Variants in EFHD1 observed in about 807,000 individuals in gnomAD.
EFHD1 encodes the protein EF-hand domain family member D1.
Under a neutral mutation model 17.2 loss-of-function variants are expected in EFHD1, and 10 were observed. That is an observed-to-expected ratio of 0.58 (90% CI 0.36 to 0.99). The LOEUF is 0.99. Among genes scored for constraint, EFHD1 ranks in the 50% least tolerant of loss-of-function variants. The pLI, the probability that EFHD1 is intolerant of heterozygous loss-of-function variation, is 0.01. For missense variants in EFHD1, 310 were observed against 327.5 expected (o/e 0.95, Z 0.41); for synonymous variants, 153 against 142.0 (o/e 1.08, Z -0.55).
At chr2:232,659,131 C>G (rs544543992) in intron 1 of EFHD1, among the ~76,000 whole-genome samples, 1 of 152,030 alleles carries the variant, frequency 6.6e-6, no homozygotes, top group Non-Finnish European at 1.5e-5. Context: ...GAACACCTGT[C>G]TCATCCTTCA....
At chr2:232,647,359 G>A (rs974817882) in intron 1 of EFHD1, among the ~76,000 whole-genome samples, 3 of 152,254 alleles carry the variant, frequency 2.0e-5, no homozygotes, top group Admixed American at 6.5e-5. Flanking sequence ...CCTGTAGTCC[G>A]CTTGCGTTGG....
chr2:232,626,721 C>T (rs546910457), intron 1 of EFHD1, among the ~76,000 whole-genome samples: 2 of 152,116 alleles, frequency 1.3e-5, no homozygotes, highest in East Asian at 1.9e-4. Flanking sequence ...AACTAGCTCC[C>T]CTTTCAGGAA....
At chr2:232,656,045 A>G (rs750045984) in intron 1 of EFHD1, among the ~76,000 whole-genome samples, 4 of 151,512 alleles carry the variant, frequency 2.6e-5, no homozygotes, top group African/African-American at 7.3e-5. Context: ...TGACCGCGTG[A>G]TCCACCCACC....
intron 1 of EFHD1, among the ~76,000 whole-genome samples, chr2:232,641,730 C>T (rs568245841): frequency 3.3e-5 from 5 of 152,352 alleles, no homozygotes; most frequent in South Asian, 4.1e-4. Flanking sequence ...GCTAGGCAGT[C>T]GCTTTAGAAT....
chr2:232,653,603 G>A (rs994726828), intron 1 of EFHD1, among the ~76,000 whole-genome samples: 2 of 152,296 alleles, frequency 1.3e-5, no homozygotes, highest in South Asian at 2.1e-4. Flanking sequence ...GGTAGCTTTA[G>A]AGTCCTGCCA....
chr2:232,674,237 T>G (rs1238167671), intron 3 of EFHD1, among the ~76,000 whole-genome samples: 1 of 152,216 alleles, frequency 6.6e-6, no homozygotes, highest in African/African-American at 2.4e-5. Context: ...ACAAGGATTT[T>G]CATACAATAG....
intron 1 of EFHD1, among the ~76,000 whole-genome samples, 187 bp downstream of exon 1, chr2:232,634,193 G>T (rs555095212): frequency 6.6e-6 from 1 of 152,118 alleles, no homozygotes; most frequent in South Asian, 2.1e-4. Context: ...GGCCGAAGAG[G>T]GGGGACACCA....
rs548153247 is a variant in EFHD1, at chr2:232,654,420, T to C, written c.303-8382T>C. Among the ~76,000 whole-genome samples, 293 of 129,272 alleles carry C rather than the reference T, an allele frequency of 2.3e-3. 2 individuals carry two copies. The highest frequency in any genetic ancestry group is 8.7e-3 in the African/African-American group (275 of 31,770). The allele number at this position is 129,272 out of a possible 152,430, so 84.8% of individuals were successfully genotyped here. A position where few individuals can be genotyped will look rare whatever the true frequency, so the allele number is the denominator to read the frequency against. The stretch of plus-strand genomic sequence containing the variant: ...TGACTTTTCTTTTCTTTCTTTCTTT[T>C]TTTTTTTTTTTTTTTTTTGAGACAG... On this transcript the variant is annotated intron_variant, in intron 1 of 3. Transcript: ENST00000264059.
intron 2 of EFHD1, among the ~76,000 whole-genome samples, chr2:232,667,545 ATTTATTT>A (rs1559354793): frequency 6.6e-6 from 1 of 150,482 alleles, no homozygotes; most frequent in Non-Finnish European, 1.5e-5. Flanking sequence ...TAATTAATTT[ATTTATTT>A]ATTTATTTAT....
At chr2:232,619,984 G>T (rs772050108) in intron 1 of EFHD1, among the ~76,000 whole-genome samples, 2 of 152,094 alleles carry the variant, frequency 1.3e-5, no homozygotes, top group African/African-American at 4.8e-5. Flanking sequence ...TATCAGCAGG[G>T]TCTCACTCCA....
chr2:232,630,013 G>A (rs1384466850), upstream of EFHD1, among the ~76,000 whole-genome samples: 3 of 151,780 alleles, frequency 2.0e-5, no homozygotes, highest in Non-Finnish European at 2.9e-5. Context: ...GCAATGGCTC[G>A]ATCTTGGCTC....
chr2:232,675,861 T>C (rs530991012), intron 3 of EFHD1, among the ~76,000 whole-genome samples: 1 of 150,552 alleles, frequency 6.6e-6, no homozygotes, highest in Non-Finnish European at 1.5e-5. Context: ...AGGAGGGGAG[T>C]TGATGATATT....
chr2:232,653,548 C>T (rs1234451928), intron 1 of EFHD1, among the ~76,000 whole-genome samples: 1 of 152,190 alleles, frequency 6.6e-6, no homozygotes, highest in East Asian at 1.9e-4. Flanking sequence ...CCTCGGCCTC[C>T]CAAAGTGCTG....
chr2:232,619,526 G>T (rs1574701945), intron 1 of EFHD1, among the ~76,000 whole-genome samples: 1 of 151,916 alleles, frequency 6.6e-6, no homozygotes, highest in African/African-American at 2.4e-5. Flanking sequence ...GGCCAGGCTG[G>T]TCTCAAACTC....
chr2:232,624,376 G>C (rs1164638696), intron 1 of EFHD1, among the ~76,000 whole-genome samples: 1 of 152,186 alleles, frequency 6.6e-6, no homozygotes, highest in East Asian at 1.9e-4. Context: ...CTCACCTGGG[G>C]GTTAGAGCCT....
Position 232,646,197 on chromosome 2 carries a change from G to A in EFHD1, c.302+12191G>A, listed in dbSNP as rs192213207. On this transcript the variant is annotated intron_variant, in intron 1 of 3. Coordinates refer to ENST00000264059, the MANE Select transcript of EFHD1 (RefSeq NM_025202.4). Reference sequence around the variant, plus strand: ...TGGGGTGGGGCAATATACAACATTCGGTAGCTCCCTATTGCCCAAGGAAAA... The same window carrying A: ...TGGGGTGGGGCAATATACAACATTCAGTAGCTCCCTATTGCCCAAGGAAAA... Among the ~76,000 whole-genome samples the A allele has an allele frequency of 1.8e-4, 27 of 152,160 alleles. No homozygotes were observed. The East Asian group carries it at 3.9e-3, about 22-fold the overall frequency.
intron 1 of EFHD1, among the ~76,000 whole-genome samples, chr2:232,620,841 A>G (rs1694006427): frequency 6.6e-6 from 1 of 152,124 alleles, no homozygotes; most frequent in African/African-American, 2.4e-5. Context: ...CACAGGCCAT[A>G]ATTCCCAAGC....
chr2:232,612,577 C>T (rs1693830295), intron 1 of EFHD1, among the ~76,000 whole-genome samples: 1 of 152,086 alleles, frequency 6.6e-6, no homozygotes, highest in African/African-American at 2.4e-5. Flanking sequence ...TGAGATGATA[C>T]CATTTCCACC....
intron 1 of EFHD1, 76 bp downstream of exon 1, chr2:232,634,082 GC>G: frequency 6.4e-7 from 1 of 1,561,700 alleles, no homozygotes; most frequent in Non-Finnish European, 8.6e-7. Flanking sequence ...GAAGTCCCGG[GC>G]CCTGTTTGTG....
Sources: allele counts gnomAD v4.1 joint callset (sites outside exome capture counted in the v4.1 genomes callset), GRCh38; gene constraint gnomAD v4.1.1; transcripts MANE v1.5; gene names NCBI Gene and HGNC (gene_info 2026-07-23, HGNC 2026-07-21).